RBM11: variants seen among roughly 807,000 people sequenced by gnomAD.
The protein encoded by RBM11 is splicing regulator RBM11.
Under a neutral mutation model 21.4 loss-of-function variants are expected in RBM11, and 18 were observed. The ratio of observed to expected loss-of-function variants is 0.84; its 90% CI spans 0.58 to 1.25. RBM11 has a LOEUF of 1.25. Ranked by LOEUF, RBM11 falls within the 50% of genes most tolerant of loss-of-function variation. The probability of loss-of-function intolerance (pLI) is 0.00; values close to 1 mark genes in which losing one functional copy is unlikely to be tolerated. For synonymous variants in RBM11, 120 were observed against 116.3 expected, an observed-to-expected ratio of 1.03 and a Z score of -0.20; for missense variants, 294 against 331.9, an observed-to-expected ratio of 0.89 and a Z score of 0.89.
At chr21:14,216,398 T>C in intron 1 of RBM11, 116 bp downstream of exon 1, 2 of 805,902 alleles carry the variant, frequency 2.5e-6, no homozygotes, top group African/African-American at 1.8e-5. Flanking sequence ...GCAGGGGTTT[T>C]AATTTCGTTT....
intron 3 of RBM11, among the ~76,000 whole-genome samples, chr21:14,222,207 A>G (rs1186409876): frequency 6.6e-6 from 1 of 152,012 alleles, no homozygotes; most frequent in Non-Finnish European, 1.5e-5. Flanking sequence ...TATCATATAG[A>G]TGTATGATAT....
chr21:14,223,622 G>T (rs778983147), intron 3 of RBM11, among the ~76,000 whole-genome samples: 1 of 152,108 alleles, frequency 6.6e-6, no homozygotes, highest in Non-Finnish European at 1.5e-5. Flanking sequence ...TCTTCACATG[G>T]TGTTCTTCCT....
Position 14,216,216 on chromosome 21 carries a change from G to A in RBM11, c.30G>A (p.Arg10=). Residue 10 remains arginine, a synonymous_variant, in exon 1 of 5, where the codon AGG becomes AGA. Coordinates refer to ENST00000400577, the MANE Select transcript of RBM11 (RefSeq NM_144770.5). ...TCCCTGCTCAGGAGGAGGCCGACAG[G>A]ACCGTGTTTGTTGGGAATTTAGAGG... MFPAQEEAD[R]TVFVGNLEAR... The A allele has an allele frequency of 1.2e-6, 2 of 1,613,864 alleles. No homozygotes were observed. Among genetic ancestry groups the A allele is most frequent in the South Asian group, 2.2e-5 (2 of 91,048 alleles).
Position 14,217,735 on chromosome 21 carries a change from C to A in RBM11, c.96+1453C>A, listed in dbSNP as rs554755282. 6.9e-3 allele frequency among the ~76,000 whole-genome samples: 1,055 copies of A among 151,812 alleles called. 9 individuals are homozygous for A. Among genetic ancestry groups the A allele is most frequent in the African/African-American group, 0.023 (968 of 41,406 alleles). ...ACTTACTATATTAAGTTAAAAAAAA[C>A]AACAACAAAAACCGAAAGAAATATA... On this transcript the variant is annotated intron_variant, in intron 1 of 4. Coordinates refer to ENST00000400577, the MANE Select transcript of RBM11 (RefSeq NM_144770.5).
At chr21:14,224,284 A>T in intron 3 of RBM11, 154 bp from the exon 4 acceptor site, 1 of 1,161,346 alleles carries the variant, frequency 8.6e-7, no homozygotes, top group Non-Finnish European at 1.2e-6. Context: ...TTGGGGAGAC[A>T]TGTCAGCCCA....
intron 4 of RBM11, among the ~76,000 whole-genome samples, chr21:14,226,304 G>T (rs929491032): frequency 2.0e-5 from 3 of 152,034 alleles, no homozygotes; most frequent in Non-Finnish European, 4.4e-5. Context: ...TTCTACTTTT[G>T]TATTGCAGTT....
intron 2 of RBM11, among the ~76,000 whole-genome samples, chr21:14,220,688 A>G (rs1278351415): frequency 6.6e-6 from 1 of 152,086 alleles, no homozygotes; most frequent in Non-Finnish European, 1.5e-5. Context: ...AGGCCAGGGT[A>G]TATTATGTTC....
At chr21:14,221,851 G>A (rs540490309) in intron 3 of RBM11, among the ~76,000 whole-genome samples, 1 of 152,338 alleles carries the variant, frequency 6.6e-6, no homozygotes, top group African/African-American at 2.4e-5. Flanking sequence ...AAAGCTGCAA[G>A]TAGGCAGAAG....
chr21:14,217,614 A>G (rs1014681998), intron 1 of RBM11, among the ~76,000 whole-genome samples: 1 of 152,062 alleles, frequency 6.6e-6, no homozygotes, highest in African/African-American at 2.4e-5. Context: ...TGATTTTAAG[A>G]CTTTTAGGTT....
chr21:14,227,498 T>C lies in RBM11; in HGVS notation c.*205T>C. 1 of 557,496 alleles carries C rather than the reference T, an allele frequency of 1.8e-6. No homozygotes were observed. Among genetic ancestry groups the C allele is most frequent in the African/African-American group, 1.9e-5 (1 of 52,466 alleles). 34.5% of individuals were successfully genotyped at this position (557,496 alleles called of 1,614,324 possible). ...TAGTATAATGTACCACTTTTTGTAT[T>C]TGTCATGATATTTTTGACCCATTGG... On this transcript the variant is annotated 3_prime_UTR_variant, in exon 5 of 5. Transcript: ENST00000400577.
chr21:14,225,487 C>T (rs1335590957), intron 4 of RBM11, among the ~76,000 whole-genome samples: 1 of 152,026 alleles, frequency 6.6e-6, no homozygotes, highest in Non-Finnish European at 1.5e-5. Flanking sequence ...AATCTACAGT[C>T]CCAAGATTTT....
intron 4 of RBM11, among the ~76,000 whole-genome samples, chr21:14,226,619 C>CA (rs59480179): frequency 0.23 from 30,386 of 131,340 alleles, 3,340 homozygotes; most frequent in African/African-American, 0.33. Flanking sequence ...GACCCTGTCT[C>CA]AAAAAAAAAA....
At chr21:14,224,340 G>C (rs775554649) in intron 3 of RBM11, 98 bp from the exon 4 acceptor site, 3 of 1,457,680 alleles carry the variant, frequency 2.1e-6, no homozygotes, top group Non-Finnish European at 2.7e-6. Context: ...AGACAACTTT[G>C]CATCCCCTGA....
chr21:14,225,270 G>A (rs1383079095), intron 4 of RBM11, among the ~76,000 whole-genome samples: 2 of 152,112 alleles, frequency 1.3e-5, no homozygotes, highest in Non-Finnish European at 2.9e-5. Flanking sequence ...TCCTTCTTGA[G>A]TATATACTTA....
chr21:14,226,241 T>C (rs572427297), intron 4 of RBM11, among the ~76,000 whole-genome samples: 1 of 152,164 alleles, frequency 6.6e-6, no homozygotes, highest in South Asian at 2.1e-4. Flanking sequence ...TTATAACATT[T>C]TAAATGGATA....
rs556645478 is a variant in RBM11, at chr21:14,226,389, C to T, written c.433-491C>T. The stretch of plus-strand genomic sequence containing the variant: ...ATCCCAGAGCTTTAGGAGGCTGAGG[C>T]GGGTGGGTCACCTGAGGTCAGGAGA... On this transcript the variant is annotated intron_variant, in intron 4 of 4. Transcript: ENST00000400577. 3.9e-5 allele frequency among the ~76,000 whole-genome samples: 6 copies of T among 152,078 alleles called. No homozygotes were observed. The East Asian group carries it at 9.7e-4, about 24-fold the overall frequency.
chr21:14,223,169 A>G (rs149083373), intron 3 of RBM11, among the ~76,000 whole-genome samples: 2 of 152,322 alleles, frequency 1.3e-5, no homozygotes, highest in East Asian at 3.9e-4. Flanking sequence ...AGTTATGTGT[A>G]TATTTTGGAT....
chr21:14,224,623 A>C, intron 4 of RBM11, 86 bp downstream of exon 4: 1 of 1,458,028 alleles, frequency 6.9e-7, no homozygotes. Context: ...ATGGTGCCCA[A>C]ATCTAAACTG....
rs191507283 is a variant in RBM11 at position 14,218,163 on chromosome 21, A to G, written c.97-1400A>G. 2.8e-3 allele frequency among the ~76,000 whole-genome samples: 422 copies of G among 151,940 alleles called. 4 individuals carry two copies. Among genetic ancestry groups the G allele is most frequent in the South Asian group, 2.9e-3 (14 of 4,826 alleles). ...GATAGTGTGATTGTTGCTAAAAGTAAGTCTTCATGTTGACTTTTATCTTTA... is the reference window on the plus strand; with the variant it reads ...GATAGTGTGATTGTTGCTAAAAGTAGGTCTTCATGTTGACTTTTATCTTTA... On this transcript the variant is annotated intron_variant, in intron 1 of 4. Coordinates refer to ENST00000400577, the MANE Select transcript of RBM11 (RefSeq NM_144770.5).
Sources: allele counts gnomAD v4.1 joint callset (sites outside exome capture counted in the v4.1 genomes callset), GRCh38; gene constraint gnomAD v4.1.1; transcripts MANE v1.5; gene names NCBI Gene and HGNC (gene_info 2026-07-23, HGNC 2026-07-21).